SYT10: variants seen among roughly 807,000 people sequenced by gnomAD.
The protein encoded by SYT10 is synaptotagmin 10.
A neutral mutation model predicts 51.1 loss-of-function variants in SYT10; 31 were observed. That is an observed-to-expected ratio of 0.61 (90% CI 0.46 to 0.82). The LOEUF is 0.82. Ranked by LOEUF, SYT10 falls within the 40% of genes least tolerant of loss-of-function variation. The pLI is 0.00. For missense variants in SYT10, 603 were observed against 634.0 expected (o/e 0.95, Z 0.53); for synonymous variants, 233 against 225.9 (o/e 1.03, Z -0.28).
rs1212729337 is a variant in SYT10, at chr12:33,375,589, A to G, written c.*1241T>C. On this transcript the variant is annotated 3_prime_UTR_variant, in exon 7 of 7. Transcript: ENST00000228567. ...AAAGAAAGTTCTGTCTTGTAAAAAC[A>G]CTTGCATAGTTTTTACATGTAGTGG... 6.6e-6 allele frequency: 1 copy of G among 152,114 alleles called. No individual in the cohort carries two copies. Among genetic ancestry groups the G allele is most frequent in the Non-Finnish European group, 1.5e-5 (1 of 67,992 alleles). 9.4% of individuals were successfully genotyped at this position (152,114 alleles called of 1,614,324 possible).
intron 2 of SYT10, among the ~76,000 whole-genome samples, chr12:33,413,549 A>T (rs1251990590): frequency 6.6e-6 from 1 of 152,174 alleles, no homozygotes; most frequent in African/African-American, 2.4e-5. Flanking sequence ...AAAGAAAAGT[A>T]TTTTCAACTC....
At chr12:33,395,746 C>G (rs1429898826) in intron 3 of SYT10, among the ~76,000 whole-genome samples, 3 of 152,110 alleles carry the variant, frequency 2.0e-5, no homozygotes, top group Admixed American at 6.5e-5. Context: ...TTTTAAAGGC[C>G]TTATGCATAT....
rs76835581 is a variant in SYT10, at chr12:33,379,730, C to T, written c.1500+102G>A. The stretch of plus-strand genomic sequence containing the variant: ...GAACAATCTTTTCTATTTTTTTTAA[C>T]AAGGGTGAATACATAAAATATCAGA... On this transcript the variant is annotated intron_variant, in intron 6 of 6. Coordinates refer to ENST00000228567, the MANE Select transcript of SYT10 (RefSeq NM_198992.4). The T allele has an allele frequency of 4.7e-3, 6,606 of 1,409,336 alleles. 415 individuals are homozygous for T. In the East Asian group the frequency reaches 0.13, roughly 28 times the overall value. The allele number at this position is 1,409,336 out of a possible 1,614,324, so 87.3% of individuals were successfully genotyped here. A position where few individuals can be genotyped will look rare whatever the true frequency, so the allele number is the denominator to read the frequency against.
chr12:33,405,900 A>G (rs958309464), intron 3 of SYT10: 4 of 151,780 alleles, frequency 2.6e-5, no homozygotes, highest in Non-Finnish European at 1.5e-5. Context: ...ATAATTTTTC[A>G]TATAACAAAA....
intron 3 of SYT10, among the ~76,000 whole-genome samples, chr12:33,391,658 G>A (rs1307255799): frequency 1.3e-5 from 2 of 152,158 alleles, no homozygotes; most frequent in Admixed American, 6.5e-5. Flanking sequence ...TGGAGGGGTT[G>A]CAGTTATATT....
intron 2 of SYT10, among the ~76,000 whole-genome samples, chr12:33,410,603 A>G (rs557507394): frequency 2.0e-4 from 30 of 152,342 alleles, no homozygotes; most frequent in Admixed American, 7.8e-4. Context: ...CACAGGTGAA[A>G]GTAAACTGCA....
At position 33,382,509 on chromosome 12, in the gene SYT10, T is replaced by C. The variant is rs1462537639; in HGVS notation, c.1210A>G (p.Lys404Glu). 1 of 1,606,878 alleles carries C rather than the reference T, an allele frequency of 6.2e-7. No homozygotes were observed. Residue 404 changes from lysine (K) to glutamate (E), a missense_variant, in exon 5 of 7, where the codon AAA becomes GAA. By Grantham distance (56) the Lys-to-Glu change is moderately conservative (BLOSUM62 1). Coordinates refer to ENST00000228567, the MANE Select transcript of SYT10 (RefSeq NM_198992.4). ...DITGSSDPYV[K>E]VSLMCEGRRL... Reference sequence around the variant, plus strand: ...CGACCTTCACACATCAGGGACACTTTGACATAAGGATCTAGGAATAAGAAG... The same window carrying C: ...CGACCTTCACACATCAGGGACACTTCGACATAAGGATCTAGGAATAAGAAG...
intron 3 of SYT10, among the ~76,000 whole-genome samples, chr12:33,389,900 T>C (rs1180118640): frequency 1.3e-5 from 2 of 152,188 alleles, no homozygotes; most frequent in African/African-American, 4.8e-5. Context: ...CAAACCACTG[T>C]AAAATGTATT....
chr12:33,389,466 G>A (rs541313868), intron 3 of SYT10, among the ~76,000 whole-genome samples: 1 of 152,088 alleles, frequency 6.6e-6, no homozygotes, highest in South Asian at 2.1e-4. Context: ...CAATAATGAT[G>A]TTAATGAAAA....
intron 3 of SYT10, among the ~76,000 whole-genome samples, chr12:33,393,215 A>C (rs1866225528): frequency 6.6e-6 from 1 of 152,090 alleles, no homozygotes; most frequent in African/African-American, 2.4e-5. Context: ...GTAAGAGGGA[A>C]TAGCCCAACA....
At position 33,374,999 on chromosome 12, in the gene SYT10, GA is replaced by G. The variant is rs1866050764; in HGVS notation, c.*1830del. The G allele has an allele frequency of 6.6e-6, 1 of 151,754 alleles. No individual in the cohort carries two copies. The highest frequency in any genetic ancestry group is 1.5e-5 in the Non-Finnish European group (1 of 67,856). The allele number at this position is 151,754 out of a possible 1,614,324, so 9.4% of individuals were successfully genotyped here. On this transcript the variant is annotated 3_prime_UTR_variant, in exon 7 of 7. Coordinates refer to ENST00000228567, the MANE Select transcript of SYT10 (RefSeq NM_198992.4). ...AGTATAACTTTTTGTCTTCCTATTTGAAAAGTTTTATTTCCCAATAAAACAA... is the reference window on the plus strand; with the variant it reads ...AGTATAACTTTTTGTCTTCCTATTTGAAAGTTTTATTTCCCAATAAAACAA...
At position 33,407,044 on chromosome 12, in the gene SYT10, A is replaced by T. The variant is rs762776606; in HGVS notation, c.822T>A (p.Tyr274Ter). 6.2e-7 allele frequency: 1 copy of T among 1,614,214 alleles called. No individual in the cohort carries two copies. The highest frequency in any genetic ancestry group is 8.5e-7 in the Non-Finnish European group (1 of 1,180,030). The change falls in exon 3 of 7, where the codon TAT becomes TAA. Residue 274 changes from tyrosine to a stop codon, truncating the protein, a stop_gained. Transcript: ENST00000228567. LOFTEE classifies it high-confidence loss of function. ...TGTSDPYVKM[Y>*]LLPDRKKKFQ... Reference sequence around the variant, plus strand: ...ATTTCTTTTTCCTATCTGGAAGAAGATACATCTTCACATAAGGGTCAGAAG... The same window carrying T: ...ATTTCTTTTTCCTATCTGGAAGAAGTTACATCTTCACATAAGGGTCAGAAG...
intron 2 of SYT10, among the ~76,000 whole-genome samples, chr12:33,411,052 A>C (rs1866400674): frequency 6.6e-6 from 1 of 152,196 alleles, no homozygotes; most frequent in Non-Finnish European, 1.5e-5. Flanking sequence ...CAGAGAAGTG[A>C]GTAATGCATT....
intron 3 of SYT10, among the ~76,000 whole-genome samples, chr12:33,400,819 A>T (rs1229657000): frequency 2.0e-5 from 3 of 152,180 alleles, no homozygotes; most frequent in Non-Finnish European, 2.9e-5. Flanking sequence ...TGAGGTCAGG[A>T]GTTCGAGACC....
In SYT10 at chr12:33,439,503, T is replaced by C; in HGVS notation, c.20A>G (p.Asp7Gly). Residue 7 changes from aspartate (D) to glycine (G), a missense_variant, in exon 1 of 7, where the codon GAC (aspartate) becomes GGC (glycine). By Grantham distance (94) the Asp-to-Gly change is moderately conservative (BLOSUM62 -1). Coordinates refer to ENST00000228567, the MANE Select transcript of SYT10 (RefSeq NM_198992.4). MSFHKE[D>G]GVNSLCQKAL... ...CTTCTGGCACAGACTGTTCACTCCG[T>C]CCTCCTTGTGGAAACTCATCGTTTG... 6.2e-7 allele frequency: 1 copy of C among 1,612,990 alleles called. No individual in the cohort carries two copies. The highest frequency in any genetic ancestry group is 1.1e-5 in the South Asian group (1 of 90,846).
intron 2 of SYT10, among the ~76,000 whole-genome samples, chr12:33,409,195 A>T (rs1358099229): frequency 6.6e-6 from 1 of 152,120 alleles, no homozygotes; most frequent in Non-Finnish European, 1.5e-5. Context: ...TTAATATTTG[A>T]TTCACTGATG....
chr12:33,401,290 G>T (rs1465020751), intron 3 of SYT10, among the ~76,000 whole-genome samples: 1 of 152,004 alleles, frequency 6.6e-6, no homozygotes, highest in African/African-American at 2.4e-5. Flanking sequence ...TTACATTTCA[G>T]AAATAGCAGC....
intron 3 of SYT10, among the ~76,000 whole-genome samples, chr12:33,397,794 T>C (rs1452691781): frequency 3.3e-5 from 5 of 151,814 alleles, no homozygotes; most frequent in Admixed American, 1.3e-4. Context: ...AGGAAGAGAA[T>C]ATGAATCTGA....
At chr12:33,439,349 G>C (rs1313297591) in intron 1 of SYT10, 23 bp downstream of exon 1, 20 of 1,602,440 alleles carry the variant, frequency 1.2e-5, no homozygotes, top group Non-Finnish European at 1.7e-5. Context: ...GCGCGAGGAC[G>C]CGAGCGGAGC....
Sources: allele counts gnomAD v4.1 joint callset (sites outside exome capture counted in the v4.1 genomes callset), GRCh38; gene constraint gnomAD v4.1.1; transcripts MANE v1.5; gene names NCBI Gene and HGNC (gene_info 2026-07-23, HGNC 2026-07-21).